Variants in USH2A observed in about 807,000 individuals in gnomAD.
USH2A encodes usherin, also known as Usher syndrome 2A (autosomal recessive, mild).
USH2A carries 443 observed loss-of-function variants against 538.9 expected under a neutral mutation model. The ratio of observed to expected loss-of-function variants is 0.82; its 90% CI spans 0.76 to 0.89. USH2A has a LOEUF of 0.89. Ranked by LOEUF, USH2A falls within the 40% of genes least tolerant of loss-of-function variation. The pLI is 0.00. For synonymous variants in USH2A, 2,413 were observed against 2,273.5 expected (o/e 1.06, Z -1.75); for missense variants, 6,633 against 6,324.8 (o/e 1.05, Z -1.65).
In USH2A at chr1:216,199,790, G is replaced by A. The variant is rs147947402; in HGVS notation, c.3648C>T (p.Tyr1216=). ...TIWNLVPFAK[Y]DFSVQACTSG... ...TAGTACACGCCTGTACAGAAAAATC[G>A]TACTTGGCAAATGGAACCAGATTCC... The change falls in exon 17 of 72, where the codon TAC becomes TAT. Residue 1216 remains tyrosine, a synonymous_variant. Transcript: ENST00000307340. 622 of 1,614,098 alleles carry A rather than the reference G, an allele frequency of 3.9e-4. 2 individuals carry two copies. The African/African-American group carries it at 5.4e-3, about 14-fold the overall frequency.
intron 16 of USH2A, among the ~76,000 whole-genome samples, chr1:216,204,823 C>G (rs1323467282): frequency 6.6e-6 from 1 of 152,090 alleles, no homozygotes; most frequent in Non-Finnish European, 1.5e-5. Context: ...TCTTACTGTT[C>G]AAATGCCATC....
chr1:215,880,009 G>A (rs1430203183), intron 41 of USH2A, among the ~76,000 whole-genome samples: 3 of 152,282 alleles, frequency 2.0e-5, no homozygotes, highest in Admixed American at 6.5e-5. Context: ...CTTCATAGCA[G>A]GGATAAACTC....
rs141549439 is a variant in USH2A, at chr1:215,732,544, CTTTTTTTTTTT to C, written c.11712-4171_11712-4161del. 2.0e-4 allele frequency among the ~76,000 whole-genome samples: 15 copies of C among 73,586 alleles called. 1 individual carries two copies. The highest frequency in any genetic ancestry group is 6.2e-4 in the Admixed American group (3 of 4,860). The allele number at this position is 73,586 out of a possible 152,430, so 48.3% of individuals were successfully genotyped here. ...TCTTTCTTATTCTCCTTTTTTCTTT[CTTTTTTTTTTT>C]TTTTTTTTTTTTTTTTTGCTCTGTT... On this transcript the variant is annotated intron_variant, in intron 60 of 71. Coordinates refer to ENST00000307340, the MANE Select transcript of USH2A (RefSeq NM_206933.4).
Position 215,875,158 on chromosome 1 carries a change from A to G in USH2A, c.8681+2600T>C, listed in dbSNP as rs550210830. ...GGATCAAGTTTTGGTTTTCTCTCATATTTGCAAGACACTCCCCCTTGGGCT... is the reference window on the plus strand; with the variant it reads ...GGATCAAGTTTTGGTTTTCTCTCATGTTTGCAAGACACTCCCCCTTGGGCT... On this transcript the variant is annotated intron_variant, in intron 43 of 71. Transcript: ENST00000307340. 3.3e-5 allele frequency among the ~76,000 whole-genome samples: 5 copies of G among 152,192 alleles called. No homozygotes were observed. In the South Asian group the frequency reaches 1.0e-3, roughly 32 times the overall value.
intron 16 of USH2A, among the ~76,000 whole-genome samples, chr1:216,203,099 G>T (rs2035034111): frequency 1.3e-5 from 2 of 152,018 alleles, no homozygotes; most frequent in South Asian, 4.2e-4. Flanking sequence ...ATACATATTT[G>T]ATCTATTGTT....
At chr1:216,415,829 A>T (rs1241552171) in intron 3 of USH2A, among the ~76,000 whole-genome samples, 1 of 151,910 alleles carries the variant, frequency 6.6e-6, no homozygotes, top group Non-Finnish European at 1.5e-5. Flanking sequence ...CCTGGCCTCC[A>T]TTATTTCTTA....
At chr1:215,656,745 G>T (rs1250776189) in intron 64 of USH2A, among the ~76,000 whole-genome samples, 2 of 151,944 alleles carry the variant, frequency 1.3e-5, no homozygotes, top group African/African-American at 4.8e-5. Flanking sequence ...CTTCCTTGTG[G>T]GATAATGACA....
At chr1:216,252,888 G>C (rs767749755) in intron 11 of USH2A, among the ~76,000 whole-genome samples, 3 of 152,098 alleles carry the variant, frequency 2.0e-5, no homozygotes, top group Non-Finnish European at 4.4e-5. Context: ...TCCAATAGGC[G>C]TGTGGGTACA....
Position 216,246,683 on chromosome 1 carries a change from G to C in USH2A, c.2711C>G (p.Ser904Cys). Residue 904 changes from serine (S) to cysteine (C), a missense_variant, in exon 13 of 72, where the codon TCC becomes TGC. Coordinates refer to ENST00000307340, the MANE Select transcript of USH2A (RefSeq NM_206933.4). ...AATGGTCCCAGGTAATGTCCCCAAG[G>C]AATCACACTCACACATCTGGCAGTG... ...FQHCQMCECD[S>C]LGTLPGTICD... The C allele has an allele frequency of 3.7e-6, 6 of 1,614,090 alleles. No individual in the cohort carries two copies. The highest frequency in any genetic ancestry group is 5.1e-6 in the Non-Finnish European group (6 of 1,179,978).
rs565816973 is a variant in USH2A, at chr1:216,149,729, C to T, written c.4627+25523G>A. Among the ~76,000 whole-genome samples the T allele has an allele frequency of 1.2e-4, 18 of 152,200 alleles. No individual in the cohort carries two copies. The South Asian group carries it at 3.7e-3, about 32-fold the overall frequency. ...ATCTTCTCTTGCCTACTCCAGATCC[C>T]CAGCCATATGAAGACAACCTAGCTG... On this transcript the variant is annotated intron_variant, in intron 21 of 71. Coordinates refer to ENST00000307340, the MANE Select transcript of USH2A (RefSeq NM_206933.4).
intron 35 of USH2A, among the ~76,000 whole-genome samples, chr1:215,974,674 G>T (rs1028270337): frequency 6.6e-6 from 1 of 151,992 alleles, no homozygotes; most frequent in African/African-American, 2.4e-5. Flanking sequence ...TGATTTCAGG[G>T]TTTTTTCTGT....
intron 6 of USH2A, 58 bp downstream of exon 6, chr1:216,325,247 T>C (rs2037705654): frequency 2.6e-6 from 4 of 1,565,602 alleles, no homozygotes; most frequent in Non-Finnish European, 3.5e-6. Context: ...ATGAAGTTTG[T>C]GGGCATTTGT....
At position 215,911,050 on chromosome 1, in the gene USH2A, T is replaced by A. The variant is rs1215485005; in HGVS notation, c.7301-10145A>T. 2.0e-5 allele frequency among the ~76,000 whole-genome samples: 3 copies of A among 151,886 alleles called. No individual in the cohort carries two copies. The East Asian group carries it at 5.8e-4, about 29-fold the overall frequency. ...TTTAATCACTTGAGAACAATTTTTT[T>A]CTTAATTTTTTAATTTTTTTTTAAT... On this transcript the variant is annotated intron_variant, in intron 38 of 71. Transcript: ENST00000307340.
rs1379514644 is a variant in USH2A at position 215,912,505 on chromosome 1, ATATATACGTG to A, written c.7301-11610_7301-11601del. Among the ~76,000 whole-genome samples the A allele has an allele frequency of 6.4e-4, 15 of 23,446 alleles. 1 individual carries two copies. The highest frequency in any genetic ancestry group is 2.3e-3 in the African/African-American group (15 of 6,458). 15.4% of individuals were successfully genotyped at this position (23,446 alleles called of 152,430 possible). A position where few individuals can be genotyped will look rare whatever the true frequency, so the allele number is the denominator to read the frequency against. On this transcript the variant is annotated intron_variant, in intron 38 of 71. Coordinates refer to ENST00000307340, the MANE Select transcript of USH2A (RefSeq NM_206933.4). ...TATATATATATGTGTATATATATAT[ATATATACGTG>A]TATATATATATATATATATATGAAG...
At chr1:216,216,455 A>G (rs1215657551) in intron 15 of USH2A, among the ~76,000 whole-genome samples, 2 of 151,924 alleles carry the variant, frequency 1.3e-5, no homozygotes, top group Non-Finnish European at 2.9e-5. Context: ...TTAAATGTAG[A>G]TAGCAGAGTT....
intron 32 of USH2A, among the ~76,000 whole-genome samples, chr1:216,005,363 C>A (rs4655441): frequency 0.49 from 74,885 of 151,922 alleles, 19,158 homozygotes; most frequent in East Asian, 0.84. Context: ...ATTACTAAAA[C>A]AAGTTCAATA....
intron 11 of USH2A, among the ~76,000 whole-genome samples, chr1:216,269,184 T>C (rs2036530754): frequency 6.6e-6 from 1 of 152,082 alleles, no homozygotes; most frequent in Non-Finnish European, 1.5e-5. Flanking sequence ...CTTGAATTCC[T>C]ATGTGTTGTG....
Position 216,083,481 on chromosome 1 carries a change from T to C in USH2A, c.5273A>G (p.Asn1758Ser), listed in dbSNP as rs767820497. The change falls in exon 26 of 72, where the codon AAC (asparagine) becomes AGC (serine). Residue 1758 changes from asparagine to serine, a missense_variant. Coordinates refer to ENST00000307340, the MANE Select transcript of USH2A (RefSeq NM_206933.4). ...QLNGLLLFVY[N>S]KDGPDFLAME... is the part of the protein sequence containing the mutation. ...AGCAAGAAAATCAGGTCCATCTTTG[T>C]TATAAACGAAAAGAAGCAATCCATT... is the stretch of plus-strand genomic sequence containing the variant. 5.0e-6 allele frequency: 8 copies of C among 1,612,206 alleles called. No individual in the cohort carries two copies. The South Asian group carries it at 5.5e-5, about 11-fold the overall frequency.
At chr1:215,813,535 T>C (rs1662761629) in intron 49 of USH2A, among the ~76,000 whole-genome samples, 1 of 152,214 alleles carries the variant, frequency 6.6e-6, no homozygotes, top group African/African-American at 2.4e-5. Context: ...CCTTCTGTTC[T>C]CTCGTTTTCT....
Sources: gnomAD v4.1 joint callset for allele counts (sites outside exome capture counted in the v4.1 genomes callset) on GRCh38, gnomAD v4.1.1 for gene constraint, MANE v1.5 for transcripts, NCBI Gene and HGNC (gene_info 2026-07-23, HGNC 2026-07-21) for gene names.